The following SHTN1 variants were observed in gnomAD, a reference collection of about 807,000 sequenced individuals.
The protein encoded by SHTN1 is shootin-1.
Under a neutral mutation model 83.1 loss-of-function variants are expected in SHTN1, and 42 were observed. That is an observed-to-expected ratio of 0.51 (90% CI 0.39 to 0.65). The LOEUF is 0.65. Ranked by LOEUF, SHTN1 falls within the 30% of genes least tolerant of loss-of-function variation. The pLI, the probability that SHTN1 is intolerant of heterozygous loss-of-function variation, is 0.00. For synonymous variants in SHTN1, 224 were observed against 247.7 expected (o/e 0.90, Z 0.90); for missense variants, 622 against 737.8 (o/e 0.84, Z 1.82).
chr10:117,043,609 G>A (rs1211454829), intron 2 of SHTN1, among the ~76,000 whole-genome samples: 1 of 152,154 alleles, frequency 6.6e-6, no homozygotes, highest in Non-Finnish European at 1.5e-5. Flanking sequence ...GGTAGGCTGA[G>A]GCAGGAAGAC....
At chr10:117,105,563 AGCATAGAACCC>A (rs1396174036) in intron 1 of SHTN1, among the ~76,000 whole-genome samples, 1 of 152,228 alleles carries the variant, frequency 6.6e-6, no homozygotes, top group African/African-American at 2.4e-5. Flanking sequence ...ATTTCTAATA[AGCATAGAACCC>A]GTTTGCTACT....
intron 8 of SHTN1, among the ~76,000 whole-genome samples, chr10:116,942,464 C>T (rs933055286): frequency 4.6e-5 from 7 of 152,046 alleles, no homozygotes; most frequent in African/African-American, 9.7e-5. Context: ...CCCCCCGCCT[C>T]GGCCTCCCAA....
At chr10:116,948,856 A>G (rs1378085495) in intron 7 of SHTN1, 60 bp downstream of exon 7, 1 of 1,190,760 alleles carries the variant, frequency 8.4e-7, no homozygotes, top group East Asian at 2.8e-5. Flanking sequence ...ATGACACACA[A>G]TATATGCAAA....
At position 116,884,965 on chromosome 10, in the gene SHTN1, C is replaced by G. The variant is rs1267497396; in HGVS notation, c.*1379G>C. 6.6e-6 allele frequency: 1 copy of G among 152,218 alleles called. No homozygotes were observed. Among genetic ancestry groups the G allele is most frequent in the Non-Finnish European group, 1.5e-5 (1 of 68,034 alleles). 9.4% of individuals were successfully genotyped at this position (152,218 alleles called of 1,614,324 possible). On this transcript the variant is annotated 3_prime_UTR_variant, in exon 17 of 17. Coordinates refer to ENST00000355371, the MANE Select transcript of SHTN1 (RefSeq NM_001127211.3). ...TGAAAAACATTACGTTTTAATTCTC[C>G]ATGAGTAAAGTGATAAGTAACTATA... is the stretch of plus-strand genomic sequence containing the variant.
intron 1 of SHTN1, among the ~76,000 whole-genome samples, chr10:117,078,391 T>C (rs1259064661): frequency 6.6e-6 from 1 of 152,166 alleles, no homozygotes; most frequent in Non-Finnish European, 1.5e-5. Flanking sequence ...TGGTATGTAA[T>C]CTTGTGGCCA....
chr10:116,945,765 T>C (rs1849550972), intron 7 of SHTN1, among the ~76,000 whole-genome samples: 1 of 152,170 alleles, frequency 6.6e-6, no homozygotes, highest in African/African-American at 2.4e-5. Context: ...GTGCACCAGA[T>C]GACATGTCTA....
At chr10:116,973,830 G>C (rs1304840287) in intron 2 of SHTN1, 2 of 1,236,734 alleles carry the variant, frequency 1.6e-6, no homozygotes, top group South Asian at 2.5e-5. Context: ...CCCAGCATCA[G>C]AATTGTGTGT....
chr10:116,911,598 C>G, intron 14 of SHTN1, 192 bp downstream of exon 14: 1 of 1,551,284 alleles, frequency 6.4e-7, no homozygotes, highest in South Asian at 1.2e-5. Flanking sequence ...AAAAACAGCA[C>G]AGTGTTATTT....
chr10:116,996,262 G>A (rs1263447547), intron 1 of SHTN1, among the ~76,000 whole-genome samples: 2 of 152,014 alleles, frequency 1.3e-5, no homozygotes, highest in African/African-American at 4.8e-5. Flanking sequence ...TTAACTACCT[G>A]CAATCTGGAA....
rs1398392586 is a variant in SHTN1, at chr10:116,944,919, C to T, written c.711+5G>A. 4 of 1,574,084 alleles carry T rather than the reference C, an allele frequency of 2.5e-6. No homozygotes were observed. Among genetic ancestry groups the T allele is most frequent in the Non-Finnish European group, 3.5e-6 (4 of 1,144,126 alleles). On this transcript the variant is annotated splice_donor_5th_base_variant and intron_variant, in intron 8 of 16. Coordinates refer to ENST00000355371, the MANE Select transcript of SHTN1 (RefSeq NM_001127211.3). Reference sequence around the variant, plus strand: ...AAAAAAATAAGATTTTTACAAGATACCCACCTCTTGTGCAAATGACTCTGC... The same window carrying T: ...AAAAAAATAAGATTTTTACAAGATATCCACCTCTTGTGCAAATGACTCTGC...
At chr10:117,051,877 C>A (rs1360665541) in intron 1 of SHTN1, among the ~76,000 whole-genome samples, 3 of 151,062 alleles carry the variant, frequency 2.0e-5, no homozygotes, top group Non-Finnish European at 4.4e-5. Context: ...ATAGCTTTTA[C>A]TACTTCTATT....
Position 116,960,138 on chromosome 10 carries a change from T to C in SHTN1, c.265A>G (p.Lys89Glu). 1 of 1,590,936 alleles carries C rather than the reference T, an allele frequency of 6.3e-7. No homozygotes were observed. The highest frequency in any genetic ancestry group is 1.3e-5 in the African/African-American group (1 of 74,592). ...AATTCCTTCATTTGAAGTCTCACCT[T>C]TGTTGCCAAAGCTTCAGCACTTTCT... ...CRESAEALATKLNKENKTLKR... is the reference protein window; with the variant it reads ...CRESAEALATELNKENKTLKR... The change falls in exon 4 of 17, where the codon AAG (lysine) becomes GAG (glutamate). Residue 89 changes from lysine (K) to glutamate (E), a missense_variant and splice_region_variant. This residue lies in a region of SHTN1 where 383 missense variants were observed against 455.8 expected (regional missense o/e 0.84). Coordinates refer to ENST00000355371, the MANE Select transcript of SHTN1 (RefSeq NM_001127211.3).
At chr10:116,976,852 C>A (rs1432057898) in intron 2 of SHTN1, among the ~76,000 whole-genome samples, 1 of 152,178 alleles carries the variant, frequency 6.6e-6, no homozygotes, top group Non-Finnish European at 1.5e-5. Context: ...AACCACACAG[C>A]ATTCCATATT....
intron 16 of SHTN1, among the ~76,000 whole-genome samples, chr10:116,899,508 T>A (rs112996253): frequency 1.5e-5 from 1 of 65,884 alleles, no homozygotes; most frequent in African/African-American, 4.1e-5. Flanking sequence ...CTGGGGCTGG[T>A]GTGTGTGTGT....
intron 1 of SHTN1, among the ~76,000 whole-genome samples, chr10:117,065,856 A>AAG (rs1564947544): frequency 2.7e-5 from 1 of 37,058 alleles, no homozygotes; most frequent in African/African-American, 1.3e-4. Context: ...AAGGAAGGAA[A>AAG]GGAGGGAGGG....
intron 1 of SHTN1, among the ~76,000 whole-genome samples, chr10:117,120,522 A>T (rs1202995241): frequency 2.6e-5 from 4 of 152,200 alleles, no homozygotes; most frequent in African/African-American, 4.8e-5. Context: ...TGCTGGGATT[A>T]CAGGCGTAAG....
Position 116,886,488 on chromosome 10 carries a change from A to C in SHTN1, c.1752T>G (p.Pro584=), listed in dbSNP as rs1404932240. The change falls in exon 17 of 17, where the codon CCT becomes CCG. Residue 584 remains proline, a synonymous_variant. Coordinates refer to ENST00000355371, the MANE Select transcript of SHTN1 (RefSeq NM_001127211.3). ...KQAEPVVVLD[P]VSTHEPQTKD... ...TGGTTTGGGGTTCATGTGTAGAAACAGGATCTAAAACTACAACTGGTTCGG... is the reference window on the plus strand; with the variant it reads ...TGGTTTGGGGTTCATGTGTAGAAACCGGATCTAAAACTACAACTGGTTCGG... The C allele has an allele frequency of 1.3e-5, 21 of 1,614,060 alleles. No homozygotes were observed. The highest frequency in any genetic ancestry group is 1.8e-5 in the Non-Finnish European group (21 of 1,180,040).
At chr10:117,116,740 G>A (rs1180285156) in intron 1 of SHTN1, among the ~76,000 whole-genome samples, 1 of 152,140 alleles carries the variant, frequency 6.6e-6, no homozygotes, top group African/African-American at 2.4e-5. Context: ...TCCTTGGGAT[G>A]CAAGGATGGT....
At chr10:116,935,918 T>C (rs1362215644) in intron 9 of SHTN1, among the ~76,000 whole-genome samples, 3 of 152,234 alleles carry the variant, frequency 2.0e-5, no homozygotes, top group Non-Finnish European at 4.4e-5. Context: ...TCCAGCAATT[T>C]ATCCATTTCT....
Sources: gnomAD v4.1 joint callset for allele counts (sites outside exome capture counted in the v4.1 genomes callset) on GRCh38, gnomAD v4.1.1 for gene constraint, gnomAD v4.1.1 regional missense constraint, MANE v1.5 for transcripts, NCBI Gene and HGNC (gene_info 2026-07-23, HGNC 2026-07-21) for gene names.